OCA2: variants seen among roughly 807,000 people sequenced by gnomAD.
OCA2 encodes the protein P protein.
Under a neutral mutation model 100.2 loss-of-function variants are expected in OCA2, and 77 were observed. The ratio of observed to expected loss-of-function variants is 0.77; its 90% CI spans 0.64 to 0.93. OCA2 has a LOEUF of 0.93. Among genes scored for constraint, OCA2 ranks in the 40% least tolerant of loss-of-function variants. The pLI is 0.00. For synonymous variants in OCA2, 432 were observed against 439.2 expected (o/e 0.98, Z 0.21); for missense variants, 1,062 against 1,089.1 (o/e 0.98, Z 0.35).
the OCA2 span, among the ~76,000 whole-genome samples, chr15:27,725,233 G>A: frequency 4.5e-4 from 69 of 152,292 alleles, no homozygotes; most frequent in African/African-American, 1.5e-3. Context: ...TGGACCACAC[G>A]CCAACATGGG....
At chr15:28,021,988 G>A (rs1193578866) in intron 6 of OCA2, among the ~76,000 whole-genome samples, 1 of 152,198 alleles carries the variant, frequency 6.6e-6, no homozygotes, top group Non-Finnish European at 1.5e-5. Flanking sequence ...ACTAATGCCT[G>A]CAGAAGTCAA....
chr15:27,933,957 TATCAC>T (rs1485853710), intron 18 of OCA2, among the ~76,000 whole-genome samples: 1 of 152,168 alleles, frequency 6.6e-6, no homozygotes, highest in East Asian at 1.9e-4. Context: ...GTTATATACA[TATCAC>T]ATATGTATTT....
chr15:27,995,273 T>C (rs529279036), intron 9 of OCA2, among the ~76,000 whole-genome samples: 1 of 152,172 alleles, frequency 6.6e-6, no homozygotes, highest in Admixed American at 6.5e-5. Flanking sequence ...CTAACAGACA[T>C]AGACCGAACT....
the OCA2 span, among the ~76,000 whole-genome samples, chr15:27,723,858 T>C: frequency 6.6e-6 from 1 of 152,166 alleles, no homozygotes; most frequent in Non-Finnish European, 1.5e-5. Flanking sequence ...TATGGGAAAT[T>C]GCATGTTTAT....
At chr15:28,070,871 C>T (rs2044237536) in intron 2 of OCA2, among the ~76,000 whole-genome samples, 1 of 141,616 alleles carries the variant, frequency 7.1e-6, no homozygotes, top group South Asian at 2.4e-4. Flanking sequence ...ACCCCCAACC[C>T]TGTGCTCTCT....
intron 4 of OCA2, among the ~76,000 whole-genome samples, chr15:28,027,151 G>T (rs1423066412): frequency 6.6e-6 from 1 of 152,218 alleles, no homozygotes; most frequent in Non-Finnish European, 1.5e-5. Flanking sequence ...AGATAAATAG[G>T]CCAGTAAGGT....
At chr15:27,825,017 T>C (rs1369756380) in intron 23 of OCA2, among the ~76,000 whole-genome samples, 8 of 152,330 alleles carry the variant, frequency 5.3e-5, no homozygotes, top group Admixed American at 5.2e-4. Context: ...ACTTAGCAGT[T>C]TTAATTAAGG....
chr15:27,988,899 T>A (rs932348807), intron 11 of OCA2, among the ~76,000 whole-genome samples: 1 of 152,172 alleles, frequency 6.6e-6, no homozygotes, highest in Admixed American at 6.5e-5. Context: ...CCCTCCGTTA[T>A]GTCAGCCAGC....
chr15:27,885,758 T>C (rs2037196970), intron 19 of OCA2, among the ~76,000 whole-genome samples: 1 of 121,100 alleles, frequency 8.3e-6, no homozygotes, highest in Non-Finnish European at 1.6e-5. Flanking sequence ...TTTATTTGTT[T>C]GATGTGCTTA....
At chr15:27,988,052 C>T (rs1032750671) in intron 11 of OCA2, among the ~76,000 whole-genome samples, 2 of 152,122 alleles carry the variant, frequency 1.3e-5, no homozygotes, top group African/African-American at 2.4e-5. Context: ...TGTAGCTTCA[C>T]GTGAATACGC....
chr15:27,874,365 C>G (rs1335540303), intron 19 of OCA2, among the ~76,000 whole-genome samples: 1 of 152,208 alleles, frequency 6.6e-6, no homozygotes, highest in Non-Finnish European at 1.5e-5. Context: ...GTAGGCTCCA[C>G]TGTTTCTCAC....
intron 23 of OCA2, among the ~76,000 whole-genome samples, chr15:27,826,519 C>A (rs916609924): frequency 2.0e-5 from 3 of 152,206 alleles, no homozygotes; most frequent in Admixed American, 6.5e-5. Flanking sequence ...ACTGCCTCCC[C>A]CTCCTTTCCC....
At chr15:27,974,635 G>A (rs1056644012) in intron 14 of OCA2, among the ~76,000 whole-genome samples, 1 of 152,158 alleles carries the variant, frequency 6.6e-6, no homozygotes, top group African/African-American at 2.4e-5. Context: ...AGGCGTGGTG[G>A]TATGCACCTG....
At chr15:28,079,154 T>C (rs574422109) in intron 2 of OCA2, among the ~76,000 whole-genome samples, 1 of 152,336 alleles carries the variant, frequency 6.6e-6, no homozygotes, top group South Asian at 2.1e-4. Context: ...TGTTCTTTCG[T>C]TCTGCTCATT....
chr15:27,955,803 C>T (rs1331989728), intron 16 of OCA2, among the ~76,000 whole-genome samples: 2 of 152,070 alleles, frequency 1.3e-5, no homozygotes, highest in African/African-American at 4.8e-5. Context: ...CTGCTCCTGC[C>T]GGGGTGGTCT....
At chr15:27,922,721 G>GTGTGTGTGTGTT (rs2038908219) in intron 19 of OCA2, among the ~76,000 whole-genome samples, 1 of 140,054 alleles carries the variant, frequency 7.1e-6, no homozygotes, top group Non-Finnish European at 1.5e-5. Flanking sequence ...GTGTGTGTGT[G>GTGTGTGTGTGTT]TTTCTGTGTT....
chr15:27,816,370 A>C (rs889343929), intron 23 of OCA2, among the ~76,000 whole-genome samples: 1 of 152,200 alleles, frequency 6.6e-6, no homozygotes, highest in Non-Finnish European at 1.5e-5. Context: ...ACTCTTACCC[A>C]GGTAAAATGT....
intron 19 of OCA2, among the ~76,000 whole-genome samples, chr15:27,907,830 A>T (rs773177457): frequency 7.9e-5 from 12 of 152,294 alleles, no homozygotes; most frequent in Non-Finnish European, 1.3e-4. Context: ...GCTTAAACAG[A>T]CCTATTTCCA....
At chr15:27,732,240 G>A in the OCA2 span, among the ~76,000 whole-genome samples, 1 of 152,216 alleles carries the variant, frequency 6.6e-6, no homozygotes, top group African/African-American at 2.4e-5. Flanking sequence ...AAAATAGCCA[G>A]GGCTGGGGAT....
Sources: allele counts gnomAD v4.1 joint callset (sites outside exome capture counted in the v4.1 genomes callset), GRCh38; gene constraint gnomAD v4.1.1; transcripts MANE v1.5; gene names NCBI Gene and HGNC (gene_info 2026-07-23, HGNC 2026-07-21).